BDH1: variants seen among roughly 807,000 people sequenced by gnomAD.
BDH1 encodes D-beta-hydroxybutyrate dehydrogenase, mitochondrial.
Under a neutral mutation model 33.1 loss-of-function variants are expected in BDH1, and 30 were observed. The ratio of observed to expected loss-of-function variants is 0.91; its 90% CI spans 0.68 to 1.23. The LOEUF (loss-of-function observed/expected upper bound fraction) is 1.23. Among genes scored for constraint, BDH1 ranks in the 50% most tolerant of loss-of-function variants. The pLI is 0.00. For synonymous variants in BDH1, 190 were observed against 183.6 expected (o/e 1.03, Z -0.28); for missense variants, 443 against 464.4 (o/e 0.95, Z 0.42).
chr3:197,531,419 AT>A lies in BDH1; in HGVS notation c.267+992del, dbSNP rs1210755233. Among the ~76,000 whole-genome samples, 192 of 131,210 alleles carry A rather than the reference AT, an allele frequency of 1.5e-3. 1 individual carries two copies. The highest frequency in any genetic ancestry group is 2.7e-3 in the South Asian group (12 of 4,434). The allele number at this position is 131,210 out of a possible 152,430, so 86.1% of individuals were successfully genotyped here. A position where few individuals can be genotyped will look rare whatever the true frequency, so the allele number is the denominator to read the frequency against. ...CTCAAAAACATAAATTAAAAAAAAA[AT>A]ATATATATATATATATGTGTATATA... On this transcript the variant is annotated intron_variant, in intron 5 of 7. Transcript: ENST00000392379.
intron 3 of BDH1, among the ~76,000 whole-genome samples, chr3:197,537,500 T>G (rs1011699546): frequency 1.2e-4 from 19 of 152,212 alleles, no homozygotes; most frequent in Admixed American, 1.1e-3. Context: ...CCAATCTATA[T>G]GACTTTTACT....
rs1713545395 is a variant in BDH1 at position 197,521,493 on chromosome 3, A to C, written c.409+1147T>G. 6.6e-6 allele frequency among the ~76,000 whole-genome samples: 1 copy of C among 152,114 alleles called. No homozygotes were observed. Among genetic ancestry groups the C allele is most frequent in the African/African-American group, 2.4e-5 (1 of 41,412 alleles). On this transcript the variant is annotated intron_variant, in intron 6 of 7. Transcript: ENST00000392379. The surrounding 1 kb of genome is among the most constrained non-coding windows in gnomAD (Gnocchi z 4.9). ...GGGAACTGTATCCAACCTCTCTGAC[A>C]GCTGCCTCTCCCCCTCCTCTGATCC...
chr3:197,527,632 C>A (rs534645507), intron 5 of BDH1, among the ~76,000 whole-genome samples: 1 of 152,150 alleles, frequency 6.6e-6, no homozygotes, highest in Non-Finnish European at 1.5e-5. Flanking sequence ...TCACTCTACT[C>A]CCCCCTCATT....
intron 1 of BDH1, among the ~76,000 whole-genome samples, chr3:197,568,619 T>G (rs1369482085): frequency 6.6e-6 from 1 of 152,168 alleles, no homozygotes; most frequent in Non-Finnish European, 1.5e-5. Flanking sequence ...TTTCTATCAC[T>G]TAACTCTTAC....
rs1249305711 is a variant in BDH1 at position 197,523,786 on chromosome 3, C to T, written c.268-1005G>A. On this transcript the variant is annotated intron_variant, in intron 5 of 7. Coordinates refer to ENST00000392379, the MANE Select transcript of BDH1 (RefSeq NM_203314.3). This position sits in a 1 kb window ranked among gnomAD's most constrained non-coding sequence, Gnocchi z 4.5. Reference sequence around the variant, plus strand: ...ACGGGCAGGGGAGACCTTCCAAAGGCAGTGACAGCTGAGGACATTCACAAG... The same window carrying T: ...ACGGGCAGGGGAGACCTTCCAAAGGTAGTGACAGCTGAGGACATTCACAAG... 6.6e-6 allele frequency among the ~76,000 whole-genome samples: 1 copy of T among 152,088 alleles called. No homozygotes were observed. Among genetic ancestry groups the T allele is most frequent in the Non-Finnish European group, 1.5e-5 (1 of 68,004 alleles).
In BDH1 at chr3:197,512,135, C is replaced by A. The variant is rs1262412653; in HGVS notation, c.792G>T (p.Leu264=). ...CGTAGTCCTTGCGCACGACCTCAGG[C>A]AGCTCCTCCCACATCTTCTTGGCGA... ...QAIAKKMWEE[L]PEVVRKDYGK... is the part of the protein sequence containing the mutation. Residue 264 remains leucine (L), a synonymous_variant, in exon 8 of 8, where the codon CTG becomes CTT. Coordinates refer to ENST00000392379, the MANE Select transcript of BDH1 (RefSeq NM_203314.3). The A allele has an allele frequency of 1.2e-6, 2 of 1,614,080 alleles. No homozygotes were observed. The highest frequency in any genetic ancestry group is 2.7e-5 in the African/African-American group (2 of 74,930).
At chr3:197,555,573 G>T (rs1716953531) in intron 1 of BDH1, 1 of 152,334 alleles carries the variant, frequency 6.6e-6, no homozygotes, top group African/African-American at 2.4e-5. Flanking sequence ...GAAAAGCCGA[G>T]AGGGAGACTC....
chr3:197,539,435 C>G (rs553775616), intron 3 of BDH1, among the ~76,000 whole-genome samples: 4 of 152,332 alleles, frequency 2.6e-5, no homozygotes, highest in Non-Finnish European at 4.4e-5. Context: ...CCACCACGCC[C>G]AGACTATAGT....
chr3:197,567,605 T>A (rs367561744), intron 1 of BDH1, among the ~76,000 whole-genome samples: 5 of 152,168 alleles, frequency 3.3e-5, no homozygotes, highest in Admixed American at 1.3e-4. Context: ...TCTGACCACC[T>A]TGGGCACATG....
chr3:197,560,984 G>A (rs1447084015), intron 1 of BDH1, among the ~76,000 whole-genome samples: 2 of 151,838 alleles, frequency 1.3e-5, no homozygotes, highest in Non-Finnish European at 2.9e-5. Flanking sequence ...TCTTACATAT[G>A]TTGATTGATG....
In BDH1 at chr3:197,543,190, C is replaced by A. The variant is rs114211593; in HGVS notation, c.83+3171G>T. On this transcript the variant is annotated intron_variant, in intron 3 of 7. Coordinates refer to ENST00000392379, the MANE Select transcript of BDH1 (RefSeq NM_203314.3). ...CTAACAAGACGGGGCTTAGGAGGAACACATATCAGTGGCACAGGTGCAGCT... is the reference window on the plus strand; with the variant it reads ...CTAACAAGACGGGGCTTAGGAGGAAAACATATCAGTGGCACAGGTGCAGCT... 1.2e-4 allele frequency: 118 copies of A among 985,284 alleles called. No homozygotes were observed. The African/African-American group carries it at 1.9e-3, about 16-fold the overall frequency. The allele number at this position is 985,284 out of a possible 1,614,324, so 61.0% of individuals were successfully genotyped here.
chr3:197,555,088 C>A (rs1302351977), intron 1 of BDH1, among the ~76,000 whole-genome samples: 1 of 152,264 alleles, frequency 6.6e-6, no homozygotes, highest in Non-Finnish European at 1.5e-5. Flanking sequence ...CCTGGCCAGT[C>A]CCGGGCCCAC....
intron 3 of BDH1, chr3:197,543,056 C>T (rs952755373): frequency 4.1e-6 from 4 of 985,442 alleles, no homozygotes; most frequent in South Asian, 4.7e-5. Flanking sequence ...GGCTTCTTCT[C>T]TATCTTACCA....
intron 1 of BDH1, among the ~76,000 whole-genome samples, chr3:197,561,419 A>G (rs2108773454): frequency 6.6e-6 from 1 of 152,016 alleles, no homozygotes; most frequent in Non-Finnish European, 1.5e-5. Context: ...TAGAAGGCAG[A>G]CAACTCCTTC....
rs1714279885 is a variant in BDH1, at chr3:197,528,112, C to T, written c.267+4300G>A. Among the ~76,000 whole-genome samples, 1 of 152,204 alleles carries T rather than the reference C, an allele frequency of 6.6e-6. No individual in the cohort carries two copies. Among genetic ancestry groups the T allele is most frequent in the Non-Finnish European group, 1.5e-5 (1 of 68,052 alleles). ...CTGTATCTCCAACAGGGAACACTGT[C>T]AGCTTATCTTAGGTGCTCAGTAAAT... On this transcript the variant is annotated intron_variant, in intron 5 of 7. Transcript: ENST00000392379. The surrounding 1 kb of genome is among the most constrained non-coding windows in gnomAD (Gnocchi z 5.1).
rs1714269299 is a variant in BDH1, at chr3:197,528,009, A to T, written c.267+4403T>A. Among the ~76,000 whole-genome samples, 1 of 152,138 alleles carries T rather than the reference A, an allele frequency of 6.6e-6. No individual in the cohort carries two copies. Among genetic ancestry groups the T allele is most frequent in the African/African-American group, 2.4e-5 (1 of 41,424 alleles). ...CACCCTGCAGAGAAGCAATTTACTT[A>T]TCTTATTCCTTGCCTATCATCCCCC... is the stretch of plus-strand genomic sequence containing the variant. On this transcript the variant is annotated intron_variant, in intron 5 of 7. Transcript: ENST00000392379. This position sits in a 1 kb window ranked among gnomAD's most constrained non-coding sequence, Gnocchi z 5.1.
At chr3:197,563,063 C>A (rs1391451117) in intron 1 of BDH1, among the ~76,000 whole-genome samples, 1 of 152,062 alleles carries the variant, frequency 6.6e-6, no homozygotes, top group African/African-American at 2.4e-5. Context: ...TGCAAGCTGG[C>A]AAATTTGTAT....
At chr3:197,569,411 T>G (rs1717534729) in intron 1 of BDH1, among the ~76,000 whole-genome samples, 2 of 152,196 alleles carry the variant, frequency 1.3e-5, no homozygotes, top group Non-Finnish European at 2.9e-5. Flanking sequence ...ATTTCTGATG[T>G]CTTCAATGAG....
chr3:197,545,003 T>C (rs954214332), intron 3 of BDH1, among the ~76,000 whole-genome samples: 1 of 151,988 alleles, frequency 6.6e-6, no homozygotes, highest in African/African-American at 2.4e-5. Context: ...AGCCAAGAGG[T>C]TGCCACATTG....
Sources: gnomAD v4.1 joint callset for allele counts (sites outside exome capture counted in the v4.1 genomes callset) on GRCh38, gnomAD v4.1.1 for gene constraint, Gnocchi (gnomAD v3.1) non-coding constraint, MANE v1.5 for transcripts, NCBI Gene and HGNC (gene_info 2026-07-23, HGNC 2026-07-21) for gene names.